Variants in TRERF1 observed in about 807,000 individuals in gnomAD.
TRERF1 encodes transcriptional regulating factor 1.
Under a neutral mutation model 122.9 loss-of-function variants are expected in TRERF1, and 27 were observed. The observed-to-expected ratio is 0.22, with a 90% CI of 0.16 to 0.30. The LOEUF is 0.30. Among genes scored for constraint, TRERF1 ranks in the 10% least tolerant of loss-of-function variants. TRERF1 has a pLI of 1.00. For synonymous variants in TRERF1, 636 were observed against 641.7 expected (o/e 0.99, Z 0.13); for missense variants, 1,248 against 1,560.3 (o/e 0.80, Z 3.37).
At chr6:42,366,056 T>A (rs1231089708) in intron 2 of TRERF1, among the ~76,000 whole-genome samples, 1 of 152,044 alleles carries the variant, frequency 6.6e-6, no homozygotes, top group African/African-American at 2.4e-5. Context: ...CCCGTCAAGG[T>A]CCTAACACCC....
In TRERF1 at chr6:42,393,719, C is replaced by T. The variant is rs1203667491; in HGVS notation, c.-453-30640G>A. ...ATTTAGATGACTAAATATAGGGGAG[C>T]TGGTTAAATAAGTTATAGAACTTCC... On this transcript the variant is annotated intron_variant, in intron 2 of 17. Transcript: ENST00000372922. This position sits in a 1 kb window ranked among gnomAD's most constrained non-coding sequence, Gnocchi z 4.1. 3.3e-5 allele frequency among the ~76,000 whole-genome samples: 5 copies of T among 152,196 alleles called. No homozygotes were observed. The highest frequency in any genetic ancestry group is 6.5e-5 in the Admixed American group (1 of 15,286).
chr6:42,332,624 C>A (rs1204466453), intron 3 of TRERF1, among the ~76,000 whole-genome samples: 1 of 152,174 alleles, frequency 6.6e-6, no homozygotes, highest in Non-Finnish European at 1.5e-5. Context: ...TATAATAGGA[C>A]CTCTCTTCCC....
chr6:42,441,019 C>A (rs1270556928), intron 2 of TRERF1, among the ~76,000 whole-genome samples: 1 of 152,130 alleles, frequency 6.6e-6, no homozygotes, highest in Non-Finnish European at 1.5e-5. Flanking sequence ...TACATGCCTG[C>A]CGCTTTATCA....
chr6:42,333,820 C>T (rs1196800167), intron 3 of TRERF1, among the ~76,000 whole-genome samples: 1 of 152,218 alleles, frequency 6.6e-6, no homozygotes, highest in Admixed American at 6.5e-5. Flanking sequence ...CCAACGGATA[C>T]AAAGACACTG....
intron 2 of TRERF1, among the ~76,000 whole-genome samples, chr6:42,387,003 A>C (rs1776920246): frequency 1.3e-5 from 2 of 152,192 alleles, no homozygotes; most frequent in Non-Finnish European, 2.9e-5. Context: ...TATGACACCC[A>C]AAAATATCTG....
intron 4 of TRERF1, among the ~76,000 whole-genome samples, chr6:42,279,427 C>T (rs1047706329): frequency 2.0e-5 from 3 of 152,188 alleles, no homozygotes; most frequent in South Asian, 2.1e-4. Context: ...GATTTCCCTC[C>T]GGCTGCTCTG....
chr6:42,259,407 G>A lies in TRERF1; in HGVS notation c.2201C>T (p.Pro734Leu), dbSNP rs1052209590. ...CAGGGGCAGCTGCGGGTGGGCGCCA[G>A]GGCCGTGGCCGGAGATGAGGACATT... The change falls in exon 9 of 18, where the codon CCT (proline) becomes CTT (leucine). Residue 734 changes from proline (P) to leucine (L), a missense_variant. Physicochemically the swap from Pro to Leu is moderately conservative, Grantham distance 98. Coordinates refer to ENST00000372922, the Ensembl canonical transcript of TRERF1. The surrounding 1 kb of genome is among the most constrained non-coding windows in gnomAD (Gnocchi z 4.9). The A allele has an allele frequency of 1.3e-6, 2 of 1,545,530 alleles. No homozygotes were observed. Among genetic ancestry groups the A allele is most frequent in the African/African-American group, 1.4e-5 (1 of 73,102 alleles).
At chr6:42,346,934 C>T (rs1768402953) in intron 3 of TRERF1, among the ~76,000 whole-genome samples, 1 of 152,180 alleles carries the variant, frequency 6.6e-6, no homozygotes, top group African/African-American at 2.4e-5. Flanking sequence ...GTCCTCCTGG[C>T]TTGTATCCTC....
In TRERF1 at chr6:42,259,477, G is replaced by A; in HGVS notation, c.2131C>T (p.Pro711Ser). Residue 711 changes from proline (P) to serine (S), a missense_variant, in exon 9 of 18, where the codon CCA (proline) becomes TCA (serine). This residue lies in a region of TRERF1 where 946 missense variants were observed against 1,073.0 expected (regional missense o/e 0.88). Transcript: ENST00000372922. This position sits in a 1 kb window ranked among gnomAD's most constrained non-coding sequence, Gnocchi z 4.9. ...TGGCGCACCGGGCTCAGCATGGGTG[G>A]GGGCGTGTAAGGGGGCAGCTCGTGG... 1 of 1,609,330 alleles carries A rather than the reference G, an allele frequency of 6.2e-7. No homozygotes were observed. The highest frequency in any genetic ancestry group is 1.3e-5 in the African/African-American group (1 of 75,006).
chr6:42,362,423 T>C (rs1177472674), intron 3 of TRERF1, among the ~76,000 whole-genome samples: 1 of 152,270 alleles, frequency 6.6e-6, no homozygotes, highest in Non-Finnish European at 1.5e-5. Context: ...GGTTTACACC[T>C]GAAATAAAAG....
chr6:42,323,886 G>A (rs1365236114), intron 3 of TRERF1, among the ~76,000 whole-genome samples: 1 of 152,198 alleles, frequency 6.6e-6, no homozygotes, highest in African/African-American at 2.4e-5. Context: ...CCAGGGTAGT[G>A]CAATGGGGGA....
chr6:42,274,450 G>T (rs950522919), intron 4 of TRERF1, among the ~76,000 whole-genome samples: 1 of 152,108 alleles, frequency 6.6e-6, no homozygotes, highest in South Asian at 2.1e-4. Flanking sequence ...CAAGGCAGGG[G>T]GATTACTTGA....
At chr6:42,420,137 G>A (rs1042578378) in intron 2 of TRERF1, among the ~76,000 whole-genome samples, 1 of 152,198 alleles carries the variant, frequency 6.6e-6, no homozygotes, top group Admixed American at 6.5e-5. Flanking sequence ...CTATCCATGA[G>A]ATGGGAGGAC....
chr6:42,225,090 T>C (rs1052403451), downstream of TRERF1: 3 of 151,914 alleles, frequency 2.0e-5, no homozygotes, highest in Admixed American at 6.6e-5. Context: ...ATGATTAGAA[T>C]GTGTTAAATA....
intron 3 of TRERF1, among the ~76,000 whole-genome samples, chr6:42,324,011 C>T (rs1373936851): frequency 6.6e-6 from 1 of 152,176 alleles, no homozygotes; most frequent in Non-Finnish European, 1.5e-5. Context: ...ATGGGATGTG[C>T]TTGGCATTTG....
chr6:42,284,021 A>G (rs1473371615), intron 4 of TRERF1, among the ~76,000 whole-genome samples: 6 of 152,152 alleles, frequency 3.9e-5, no homozygotes, highest in Non-Finnish European at 8.8e-5. Context: ...CAGGGTCCAG[A>G]ACTTTTCTTT....
At chr6:42,233,521 G>A (rs1280716095) in intron 16 of TRERF1, among the ~76,000 whole-genome samples, 16 of 151,966 alleles carry the variant, frequency 1.1e-4, no homozygotes, top group Admixed American at 7.2e-4. Context: ...TCCTGACCTT[G>A]TGATCTGCCC....
At chr6:42,436,814 AATATATATATATATAT>A (rs56057543) in intron 2 of TRERF1, among the ~76,000 whole-genome samples, 2 of 66,694 alleles carry the variant, frequency 3.0e-5, no homozygotes. Flanking sequence ...AAAAAAAAAA[AATATATATATATATAT>A]ATATATATAT....
At chr6:42,390,559 C>T (rs925968759) in intron 2 of TRERF1, among the ~76,000 whole-genome samples, 11 of 152,200 alleles carry the variant, frequency 7.2e-5, no homozygotes, top group African/African-American at 2.4e-4. Flanking sequence ...GAAGCCTATG[C>T]GTTCGCACTG....
Sources: gnomAD v4.1 joint callset for allele counts (sites outside exome capture counted in the v4.1 genomes callset) on GRCh38, gnomAD v4.1.1 for gene constraint, gnomAD v4.1.1 regional missense constraint, Gnocchi (gnomAD v3.1) non-coding constraint, MANE v1.5 for transcripts, NCBI Gene and HGNC (gene_info 2026-07-23, HGNC 2026-07-21) for gene names.